Variants in KLHL22 observed in about 807,000 individuals in gnomAD.
KLHL22 encodes the protein kelch like family member 22, also known as kelch-like protein 22.
Under a neutral mutation model 60.7 loss-of-function variants are expected in KLHL22, and 18 were observed. That is an observed-to-expected ratio of 0.30 (90% confidence interval 0.20 to 0.44). The LOEUF (loss-of-function observed/expected upper bound fraction) is 0.44. KLHL22 is among the 20% of genes least tolerant of loss of function. The pLI, the probability that KLHL22 is intolerant of heterozygous loss-of-function variation, is 1.00. For synonymous variants in KLHL22, 355 were observed against 354.5 expected, an observed-to-expected ratio of 1.00 and a Z score of -0.01; for missense variants, 596 against 852.3, an observed-to-expected ratio of 0.70 and a Z score of 3.74.
At chr22:20,475,143 TTTGA>T (rs1214797725) in intron 2 of KLHL22, 1 of 151,952 alleles carries the variant, frequency 6.6e-6, no homozygotes, top group African/African-American at 2.4e-5. Context: ...TCCCCGATCT[TTTGA>T]TTTTGTATTG....
chr22:20,473,746 A>C (rs988633258), intron 2 of KLHL22, among the ~76,000 whole-genome samples: 2 of 152,062 alleles, frequency 1.3e-5, no homozygotes, highest in Non-Finnish European at 2.9e-5. Context: ...ATGGTGGCAC[A>C]TGCCTGTAAT....
At chr22:20,489,281 G>T in intron 1 of KLHL22, 37 bp from the exon 2 acceptor site, 2 of 1,473,118 alleles carry the variant, frequency 1.4e-6, no homozygotes. Context: ...GGGTGAGCAG[G>T]CAGGCATCAG....
chr22:20,487,575 G>A (rs1213787038), intron 2 of KLHL22, among the ~76,000 whole-genome samples: 2 of 151,860 alleles, frequency 1.3e-5, no homozygotes, highest in East Asian at 3.9e-4. Flanking sequence ...ATGACTCTGG[G>A]CTCTTCCAAT....
chr22:20,478,236 A>C (rs200673843), intron 2 of KLHL22, among the ~76,000 whole-genome samples: 9,494 of 145,596 alleles, frequency 0.065, 775 homozygotes, highest in East Asian at 0.46. Flanking sequence ...GCAGAGTTTC[A>C]CTCTTGTTGC....
rs75953136 is a variant in KLHL22, at chr22:20,463,538, C to T, written c.1112+1320G>A. Among the ~76,000 whole-genome samples, 301 of 152,356 alleles carry T rather than the reference C, an allele frequency of 2.0e-3. 1 individual carries two copies. The highest frequency in any genetic ancestry group is 7.1e-3 in the African/African-American group (294 of 41,578). On this transcript the variant is annotated intron_variant, in intron 4 of 6. Transcript: ENST00000328879. ...AGCCAAAACACTCTGGAGAGATTGG[C>T]TTTGCAGGTCTGTAGGTTACTCTCA...
chr22:20,451,843 C>T, intron 5 of KLHL22: 3 of 1,595,848 alleles, frequency 1.9e-6, no homozygotes, highest in Non-Finnish European at 2.6e-6. Flanking sequence ...GGAGCACCAT[C>T]CAGAGCTAGT....
Position 20,465,246 on chromosome 22 carries a change from C to G in KLHL22, c.724G>C (p.Glu242Gln), listed in dbSNP as rs770865119. Residue 242 changes from glutamate to glutamine, a missense_variant, in exon 4 of 7, where the codon GAG becomes CAG. Transcript: ENST00000328879. The surrounding 1 kb of genome is among the most constrained non-coding windows in gnomAD (Gnocchi z 4.9). ...TCCATCAGCGGAAACCGCACTGTCT[C>G]AAGGAGCTTTGGGGGCTCGTGCAGC... is the stretch of plus-strand genomic sequence containing the variant. ...ISLHEPPKLL[E>Q]TVRFPLMEAE... 3.1e-6 allele frequency: 5 copies of G among 1,613,964 alleles called. No homozygotes were observed. In the South Asian group the frequency reaches 5.5e-5, roughly 18 times the overall value.
At chr22:20,450,810 T>C in intron 5 of KLHL22, 2 of 1,484,424 alleles carry the variant, frequency 1.3e-6, no homozygotes, top group Non-Finnish European at 1.9e-6. Flanking sequence ...CCCTCAGGTA[T>C]ATCACAGATG....
rs1275544909 is a variant in KLHL22 at position 20,486,182 on chromosome 22, A to AG, written c.227+2802_227+2803insC. On this transcript the variant is annotated intron_variant, in intron 2 of 6. Transcript: ENST00000328879. ...ATTCCGTCTCAAAAAAAAAAAAAAAAAAAGAAATTTATGTTCTTTGTAAAA... is the reference window on the plus strand; with the variant it reads ...ATTCCGTCTCAAAAAAAAAAAAAAAAGAAAGAAATTTATGTTCTTTGTAAAA... 7.9e-5 allele frequency among the ~76,000 whole-genome samples: 12 copies of AG among 151,790 alleles called. No homozygotes were observed. In the East Asian group the frequency reaches 1.5e-3, roughly 20 times the overall value.
chr22:20,491,369 T>G (rs1409184183), intron 1 of KLHL22: 1 of 152,120 alleles, frequency 6.6e-6, no homozygotes, highest in Non-Finnish European at 1.5e-5. Context: ...GGTTGAGAGG[T>G]GAGGCTGAAA....
chr22:20,457,742 C>T (rs2053085267), intron 5 of KLHL22, 66 bp downstream of exon 5: 3 of 1,312,998 alleles, frequency 2.3e-6, no homozygotes, highest in Non-Finnish European at 3.2e-6. Context: ...CTAGGCCTCT[C>T]ACTCTTTGCA....
chr22:20,462,135 G>A (rs113178597), intron 4 of KLHL22, among the ~76,000 whole-genome samples: 5,533 of 151,506 alleles, frequency 0.037, 337 homozygotes, highest in African/African-American at 0.13. Flanking sequence ...AAATTAGCTG[G>A]GCGTGGTGGT....
intron 2 of KLHL22, among the ~76,000 whole-genome samples, chr22:20,472,835 G>C (rs751735933): frequency 6.6e-6 from 1 of 152,182 alleles, no homozygotes; most frequent in Non-Finnish European, 1.5e-5. Context: ...AGAAGGAGCA[G>C]GGAAAGCCCC....
At chr22:20,451,520 T>C in intron 5 of KLHL22, 1 of 1,597,676 alleles carries the variant, frequency 6.3e-7, no homozygotes, top group Middle Eastern at 1.9e-4. Flanking sequence ...GGTGCAGGAG[T>C]AGCCCTGCTG....
At chr22:20,491,612 A>T (rs2053692842) in intron 1 of KLHL22, 2 of 152,216 alleles carry the variant, frequency 1.3e-5, no homozygotes, top group Non-Finnish European at 1.5e-5. Context: ...AACACAGACA[A>T]GGTACAGTAA....
intron 1 of KLHL22, among the ~76,000 whole-genome samples, chr22:20,492,572 T>G (rs911611594): frequency 1.3e-5 from 2 of 151,940 alleles, no homozygotes; most frequent in African/African-American, 4.8e-5. Flanking sequence ...ATGACAAATA[T>G]GCCCCACCAT....
At chr22:20,463,196 C>T (rs531486578) in intron 4 of KLHL22, among the ~76,000 whole-genome samples, 1 of 152,310 alleles carries the variant, frequency 6.6e-6, no homozygotes, top group South Asian at 2.1e-4. Flanking sequence ...CTGTGGATAC[C>T]TACTCTCTCA....
rs1052074040 is a variant in KLHL22, at chr22:20,446,584, G to A, written c.1398C>T (p.Tyr466=). The change falls in exon 6 of 7, where the codon TAC becomes TAT. Residue 466 remains tyrosine (Y), a synonymous_variant. Transcript: ENST00000328879. ...GEDYLKETHC[Y]DPGSNTWHTL... Reference sequence around the variant, plus strand: ...TGTGCCAAGTGTTGCTGCCTGGATCGTAGCAGTGTGTCTCTTTCAGGTAAT... The same window carrying A: ...TGTGCCAAGTGTTGCTGCCTGGATCATAGCAGTGTGTCTCTTTCAGGTAAT... The A allele has an allele frequency of 6.2e-6, 10 of 1,613,854 alleles. No homozygotes were observed. The highest frequency in any genetic ancestry group is 3.3e-5 in the Admixed American group (2 of 60,016).
intron 2 of KLHL22, chr22:20,484,030 C>T (rs1279836025): frequency 1.4e-5 from 11 of 784,058 alleles, no homozygotes; most frequent in Admixed American, 7.4e-5. Flanking sequence ...ACCAGCCAGG[C>T]GCCATAGCTG....
Sources: gnomAD v4.1 joint callset for allele counts (sites outside exome capture counted in the v4.1 genomes callset) on GRCh38, gnomAD v4.1.1 for gene constraint, Gnocchi (gnomAD v3.1) non-coding constraint, MANE v1.5 for transcripts, NCBI Gene and HGNC (gene_info 2026-07-23, HGNC 2026-07-21) for gene names.